Variants in GOLGA7B observed in about 807,000 individuals in gnomAD.
The protein encoded by GOLGA7B is golgin A7 family member B.
A neutral mutation model predicts 21.5 loss-of-function variants in GOLGA7B; 17 were observed. The ratio of observed to expected loss-of-function variants is 0.79; its 90% confidence interval spans 0.54 to 1.19. The LOEUF (loss-of-function observed/expected upper bound fraction) is 1.19. GOLGA7B is among the 50% of genes most tolerant of loss of function. GOLGA7B has a pLI of 0.00. For synonymous variants in GOLGA7B, 87 were observed against 84.0 expected (o/e 1.04, Z -0.19); for missense variants, 169 against 224.4 (o/e 0.75, Z 1.58).
At chr10:97,862,711 GT>G (rs2049978385) in intron 2 of GOLGA7B, among the ~76,000 whole-genome samples, 1 of 152,112 alleles carries the variant, frequency 6.6e-6, no homozygotes, top group Admixed American at 6.5e-5. Context: ...GACCCATGTT[GT>G]TCCAGGGTCA....
At position 97,866,974 on chromosome 10, in the gene GOLGA7B, C is replaced by G. The variant is rs550047469; in HGVS notation, c.*1274C>G. The G allele has an allele frequency of 6.6e-6, 1 of 152,360 alleles. No individual in the cohort carries two copies. The highest frequency in any genetic ancestry group is 1.9e-4 in the East Asian group (1 of 5,182). 9.4% of individuals were successfully genotyped at this position (152,360 alleles called of 1,614,324 possible). ...CCTGTAAGTAAATGTCCAAAAGCCC[C>G]TTGCCCCTCCCCTAGGGCTACCAGG... On this transcript the variant is annotated 3_prime_UTR_variant, in exon 5 of 5. Transcript: ENST00000370602.
chr10:97,862,793 G>T (rs2049978934), intron 2 of GOLGA7B, among the ~76,000 whole-genome samples: 1 of 152,222 alleles, frequency 6.6e-6, no homozygotes, highest in Non-Finnish European at 1.5e-5. Context: ...CGGGGGTTGG[G>T]TGTGCTGGGG....
intron 1 of GOLGA7B, 86 bp downstream of exon 1, chr10:97,850,401 C>T: frequency 3.7e-6 from 3 of 802,926 alleles, no homozygotes; most frequent in African/African-American, 1.8e-5. Context: ...GAGTGGGAGG[C>T]GGGAGTTGGG....
chr10:97,864,043 C>T lies in GOLGA7B; in HGVS notation c.252C>T (p.Ala84=), dbSNP rs1204066817. Residue 84 remains alanine (A), a synonymous_variant, in exon 3 of 5, where the codon GCC becomes GCT. Coordinates refer to ENST00000370602, the MANE Select transcript of GOLGA7B (RefSeq NM_001010917.3). ...YLEGCLACAT[A]YFIFLCMETH... ...AGGGCTGCCTGGCCTGCGCCACGGCCTACTTCATCTTCCTCTGCATGGAGA... is the reference window on the plus strand; with the variant it reads ...AGGGCTGCCTGGCCTGCGCCACGGCTTACTTCATCTTCCTCTGCATGGAGA... The T allele has an allele frequency of 6.2e-7, 1 of 1,614,198 alleles. No homozygotes were observed. Among genetic ancestry groups the T allele is most frequent in the Non-Finnish European group, 8.5e-7 (1 of 1,180,030 alleles).
chr10:97,862,289 A>G (rs1031153180), intron 2 of GOLGA7B, among the ~76,000 whole-genome samples: 1 of 152,250 alleles, frequency 6.6e-6, no homozygotes, highest in African/African-American at 2.4e-5. Context: ...AAGCAAATAC[A>G]GTTGACCCTT....
At chr10:97,850,372 C>A in intron 1 of GOLGA7B, 57 bp downstream of exon 1, 1 of 1,471,246 alleles carries the variant, frequency 6.8e-7, no homozygotes, top group Non-Finnish European at 9.1e-7. Flanking sequence ...ACCAAATGCC[C>A]TAGGGGTGGG....
intron 2 of GOLGA7B, among the ~76,000 whole-genome samples, 180 bp downstream of exon 2, chr10:97,859,763 T>A (rs2049959330): frequency 6.6e-6 from 1 of 152,250 alleles, no homozygotes; most frequent in Admixed American, 6.5e-5. Context: ...ATTGTCTTAC[T>A]GTCTCCTCAT....
At chr10:97,865,102 C>T (rs2050004567) in intron 4 of GOLGA7B, 1 of 155,780 alleles carries the variant, frequency 6.4e-6, no homozygotes, top group Admixed American at 6.5e-5. Flanking sequence ...ATCTAATCTC[C>T]ACACTAACCC....
chr10:97,861,826 C>T (rs1267251706), intron 2 of GOLGA7B, among the ~76,000 whole-genome samples: 1 of 152,188 alleles, frequency 6.6e-6, no homozygotes, highest in Non-Finnish European at 1.5e-5. Context: ...GGGTGACCCC[C>T]AGGGTGGAGC....
intron 1 of GOLGA7B, 28 bp from the exon 2 acceptor site, chr10:97,859,430 A>T: frequency 3.1e-6 from 5 of 1,612,202 alleles, no homozygotes; most frequent in Non-Finnish European, 4.2e-6. Context: ...GGTCACTCTC[A>T]GCACATGCCG....
Position 97,850,127 on chromosome 10 carries a change from G to GGCCCCCCCCCCCCCCCC in GOLGA7B, c.-177_-176insGCCCCCCCCCCCCCCCC. The GGCCCCCCCCCCCCCCCC allele has an allele frequency of 6.3e-6, 1 of 157,862 alleles. No individual in the cohort carries two copies. The highest frequency in any genetic ancestry group is 1.3e-5 in the Non-Finnish European group (1 of 74,490). The allele number at this position is 157,862 out of a possible 1,614,324, so 9.8% of individuals were successfully genotyped here. ...GCGCCGCGCCCCTTGCCTGGACCCA[G>GGCCCCCCCCCCCCCCCC]CCGCCCGCCCGCCCCCGGCCCACCT... On this transcript the variant is annotated 5_prime_UTR_variant, in exon 1 of 5. Transcript: ENST00000370602.
rs2049990772 is a variant in GOLGA7B at position 97,864,085 on chromosome 10, G to T, written c.291+3G>T. On this transcript the variant is annotated splice_donor_region_variant and intron_variant, in intron 3 of 4. Transcript: ENST00000370602. ...GCATGGAGACCCACTATGAGAAGGT[G>T]GCCCCTCCCGCCCCACCGTGCATCC... is the stretch of plus-strand genomic sequence containing the variant. The T allele has an allele frequency of 3.1e-6, 5 of 1,613,916 alleles. No homozygotes were observed. The East Asian group carries it at 1.1e-4, about 36-fold the overall frequency.
At position 97,859,565 on chromosome 10, in the gene GOLGA7B, C is replaced by G; in HGVS notation, c.120C>G (p.Pro40=). The change falls in exon 2 of 5, where the codon CCC becomes CCG. Residue 40 remains proline (P), a synonymous_variant. Transcript: ENST00000370602. ...GTICQFQTKF[P]PELDSRIERQ... ...TCTGTCAGTTCCAGACCAAATTCCC[C>G]CCAGAGCTGGACAGCCGGGTAAGGA... 6.2e-7 allele frequency: 1 copy of G among 1,614,118 alleles called. No individual in the cohort carries two copies. Among genetic ancestry groups the G allele is most frequent in the Non-Finnish European group, 8.5e-7 (1 of 1,180,014 alleles).
At chr10:97,864,859 T>A (rs1451766612) in intron 4 of GOLGA7B, 1 of 153,832 alleles carries the variant, frequency 6.5e-6, no homozygotes, top group Non-Finnish European at 1.4e-5. Context: ...CTGCTGACTT[T>A]ATCTCCACTT....
intron 4 of GOLGA7B, 89 bp downstream of exon 4, chr10:97,864,358 A>T: frequency 9.7e-7 from 1 of 1,027,114 alleles, no homozygotes; most frequent in Non-Finnish European, 1.5e-6. Flanking sequence ...AGGCCACCTT[A>T]GGGGCCTCCA....
chr10:97,868,984 A>T lies in GOLGA7B; in HGVS notation c.*3284A>T, dbSNP rs369201622. 6.6e-6 allele frequency: 1 copy of T among 152,332 alleles called. No homozygotes were observed. The highest frequency in any genetic ancestry group is 1.9e-4 in the East Asian group (1 of 5,186). The allele number at this position is 152,332 out of a possible 1,614,324, so 9.4% of individuals were successfully genotyped here. A position where few individuals can be genotyped will look rare whatever the true frequency, so the allele number is the denominator to read the frequency against. ...CATGGATTCTTATTTCCCATTTTAC[A>T]TATGGGGAAACTGAGGCTCATGGAC... On this transcript the variant is annotated 3_prime_UTR_variant, in exon 5 of 5. Coordinates refer to ENST00000370602, the MANE Select transcript of GOLGA7B (RefSeq NM_001010917.3).
chr10:97,850,357 G>A, intron 1 of GOLGA7B, 42 bp downstream of exon 1: 1 of 1,503,470 alleles, frequency 6.7e-7, no homozygotes, highest in Non-Finnish European at 8.9e-7. Context: ...CCCGATTGCC[G>A]CGGGACCAAA....
chr10:97,857,493 C>A (rs2049943684), intron 1 of GOLGA7B, among the ~76,000 whole-genome samples: 1 of 152,016 alleles, frequency 6.6e-6, no homozygotes, highest in African/African-American at 2.4e-5. Context: ...AATGGAAAGA[C>A]ATCCCATGCT....
Position 97,866,582 on chromosome 10 carries a change from G to A in GOLGA7B, c.*882G>A, listed in dbSNP as rs558902359. On this transcript the variant is annotated 3_prime_UTR_variant, in exon 5 of 5. Transcript: ENST00000370602. ...AGTGTGCGTAAATGTGTGAGTCTGC[G>A]TGTGTTAGCATGCCTGTATGTGAGC... is the stretch of plus-strand genomic sequence containing the variant. 5.2e-5 allele frequency: 8 copies of A among 152,398 alleles called. No homozygotes were observed. In the East Asian group the frequency reaches 5.8e-4, roughly 11 times the overall value. 9.4% of individuals were successfully genotyped at this position (152,398 alleles called of 1,614,324 possible).
Sources: gnomAD v4.1 joint callset for allele counts (sites outside exome capture counted in the v4.1 genomes callset) on GRCh38, gnomAD v4.1.1 for gene constraint, MANE v1.5 for transcripts, NCBI Gene and HGNC (gene_info 2026-07-23, HGNC 2026-07-21) for gene names.